WDR70: variants seen among roughly 807,000 people sequenced by gnomAD.
WDR70 encodes the protein WD repeat-containing protein 70.
In WDR70, 53 loss-of-function variants were observed where a neutral mutation model predicts 88.6. The ratio of observed to expected loss-of-function variants is 0.60; its 90% CI spans 0.48 to 0.75. WDR70 has a LOEUF of 0.75. Ranked by LOEUF, WDR70 falls within the 30% of genes least tolerant of loss-of-function variation. The pLI is 0.00. For missense variants in WDR70, 610 were observed against 823.2 expected, an observed-to-expected ratio of 0.74 and a Z score of 3.17; for synonymous variants, 280 against 270.0, an observed-to-expected ratio of 1.04 and a Z score of -0.36.
chr5:37,686,178 A>T lies in WDR70; in HGVS notation c.1093-11477A>T, dbSNP rs373915556. On this transcript the variant is annotated intron_variant, in intron 10 of 17. Transcript: ENST00000265107. ...ATAAAAGTATAAAAACCAGCCAGGC[A>T]TGGTGGCTTGTGTTGTAGTCACAGT... is the stretch of plus-strand genomic sequence containing the variant. Among the ~76,000 whole-genome samples, 20 of 4,304 alleles carry T rather than the reference A, an allele frequency of 4.6e-3. No individual in the cohort carries two copies. The East Asian group carries it at 0.2, about 44-fold the overall frequency. The allele number at this position is 4,304 out of a possible 152,430, so 2.8% of individuals were successfully genotyped here. A position where few individuals can be genotyped will look rare whatever the true frequency, so the allele number is the denominator to read the frequency against.
At position 37,733,171 on chromosome 5, in the gene WDR70, G is replaced by C. The variant is rs149214196; in HGVS notation, c.1877+6126G>C. On this transcript the variant is annotated intron_variant, in intron 17 of 17. Coordinates refer to ENST00000265107, the MANE Select transcript of WDR70 (RefSeq NM_018034.4). ...TTCTATGCCTCTTCTAGCTTCTAGA[G>C]GTTGCCTGATGCCTTGGTTCATAGC... 2.0e-3 allele frequency among the ~76,000 whole-genome samples: 304 copies of C among 152,100 alleles called. 1 individual carries two copies. The highest frequency in any genetic ancestry group is 6.9e-3 in the African/African-American group (285 of 41,516).
intron 7 of WDR70, among the ~76,000 whole-genome samples, chr5:37,451,129 C>G (rs1185128394): frequency 1.3e-5 from 2 of 152,090 alleles, no homozygotes; most frequent in Non-Finnish European, 2.9e-5. Context: ...AACTCCCGAC[C>G]TCAGGTGATC....
At chr5:37,600,280 C>A (rs913814388) in intron 9 of WDR70, among the ~76,000 whole-genome samples, 2 of 152,148 alleles carry the variant, frequency 1.3e-5, no homozygotes, top group African/African-American at 4.8e-5. Context: ...GTAATCCCAG[C>A]ACTTTGGGAG....
At chr5:37,570,835 G>T (rs1339836605) in intron 9 of WDR70, among the ~76,000 whole-genome samples, 2 of 152,126 alleles carry the variant, frequency 1.3e-5, no homozygotes, top group Non-Finnish European at 2.9e-5. Flanking sequence ...TGAACACCCA[G>T]TCTTCCTTCC....
intron 6 of WDR70, among the ~76,000 whole-genome samples, chr5:37,442,098 C>T (rs1218637332): frequency 3.3e-5 from 5 of 149,414 alleles, no homozygotes; most frequent in East Asian, 2.0e-4. Flanking sequence ...AGTGCAGAGC[C>T]GCAATCTCAG....
intron 5 of WDR70, among the ~76,000 whole-genome samples, chr5:37,409,760 C>A (rs1749465850): frequency 1.3e-5 from 2 of 152,114 alleles, no homozygotes; most frequent in South Asian, 4.1e-4. Flanking sequence ...CCCACCTCGG[C>A]CTCCCAAAGT....
chr5:37,668,561 G>T (rs1488292926), intron 10 of WDR70, among the ~76,000 whole-genome samples: 9 of 152,196 alleles, frequency 5.9e-5, no homozygotes, highest in African/African-American at 1.7e-4. Context: ...AAGGTAACTT[G>T]TGCATTAGCC....
intron 9 of WDR70, among the ~76,000 whole-genome samples, chr5:37,528,024 G>A (rs1160537141): frequency 6.6e-6 from 1 of 152,242 alleles, no homozygotes; most frequent in African/African-American, 2.4e-5. Flanking sequence ...CTTTTACACT[G>A]TTGGTGGGAC....
At chr5:37,438,689 A>G (rs902765806) in intron 6 of WDR70, among the ~76,000 whole-genome samples, 1 of 152,170 alleles carries the variant, frequency 6.6e-6, no homozygotes, top group African/African-American at 2.4e-5. Flanking sequence ...GGAAATATCA[A>G]TCAATAGAGG....
chr5:37,628,293 G>C (rs1581447741), intron 10 of WDR70, among the ~76,000 whole-genome samples: 1 of 152,150 alleles, frequency 6.6e-6, no homozygotes, highest in East Asian at 1.9e-4. Flanking sequence ...GCTGAGAGTG[G>C]GGTGAAATTC....
At chr5:37,742,450 G>A (rs62358883) in intron 17 of WDR70, among the ~76,000 whole-genome samples, 33,843 of 151,766 alleles carry the variant, frequency 0.22, 4,684 homozygotes, top group East Asian at 0.4. Flanking sequence ...TTTTATTGTT[G>A]TTGTTGTAGG....
At chr5:37,517,061 G>A (rs1307119472) in intron 9 of WDR70, among the ~76,000 whole-genome samples, 1 of 152,080 alleles carries the variant, frequency 6.6e-6, no homozygotes, top group African/African-American at 2.4e-5. Flanking sequence ...ATCTGATAGT[G>A]TAGTATTTGA....
chr5:37,622,827 C>G (rs1744550628), intron 10 of WDR70, among the ~76,000 whole-genome samples: 1 of 152,016 alleles, frequency 6.6e-6, no homozygotes, highest in African/African-American at 2.4e-5. Flanking sequence ...ACCAACATGG[C>G]ACATGTATAC....
chr5:37,551,743 T>A lies in WDR70; in HGVS notation c.917+35153T>A, dbSNP rs575230041. Among the ~76,000 whole-genome samples the A allele has an allele frequency of 6.9e-4, 103 of 148,318 alleles. No homozygotes were observed. In the East Asian group the frequency reaches 8.7e-3, roughly 13 times the overall value. On this transcript the variant is annotated intron_variant, in intron 9 of 17. Transcript: ENST00000265107. ...ACTCTTTCTCAAAAAAAAAAAAAAA[T>A]TATTTTTTATTGTTTCATTGTTTAG...
intron 13 of WDR70, among the ~76,000 whole-genome samples, chr5:37,709,734 G>T (rs1391151633): frequency 6.6e-6 from 1 of 152,134 alleles, no homozygotes; most frequent in African/African-American, 2.4e-5. Flanking sequence ...GCTATCTCTA[G>T]GAGTATTTTC....
intron 10 of WDR70, among the ~76,000 whole-genome samples, chr5:37,653,197 T>G (rs1008282362): frequency 6.6e-6 from 1 of 152,190 alleles, no homozygotes; most frequent in African/African-American, 2.4e-5. Flanking sequence ...ACTGAGATAA[T>G]CATGTGTTTT....
intron 9 of WDR70, among the ~76,000 whole-genome samples, chr5:37,534,638 C>G (rs1033431201): frequency 6.6e-6 from 1 of 151,920 alleles, no homozygotes; most frequent in Non-Finnish European, 1.5e-5. Flanking sequence ...GCTGGGATTA[C>G]AGGCTCCCAC....
At chr5:37,488,666 T>A (rs1367595977) in intron 8 of WDR70, among the ~76,000 whole-genome samples, 1 of 152,172 alleles carries the variant, frequency 6.6e-6, no homozygotes, top group Admixed American at 6.5e-5. Context: ...TATTTATCTT[T>A]GGTGAATTCT....
At chr5:37,573,623 A>T (rs1742975499) in intron 9 of WDR70, among the ~76,000 whole-genome samples, 2 of 147,756 alleles carry the variant, frequency 1.4e-5, no homozygotes, top group South Asian at 2.2e-4. Flanking sequence ...GAATGAGAAC[A>T]TGCGGTGTTT....
Sources: gnomAD v4.1 joint callset for allele counts (sites outside exome capture counted in the v4.1 genomes callset) on GRCh38, gnomAD v4.1.1 for gene constraint, MANE v1.5 for transcripts, NCBI Gene and HGNC (gene_info 2026-07-23, HGNC 2026-07-21) for gene names.